OSBPL9: variants seen among roughly 807,000 people sequenced by gnomAD.
The protein encoded by OSBPL9 is oxysterol binding protein like 9.
A neutral mutation model predicts 106.6 loss-of-function variants in OSBPL9; 40 were observed. That is an observed-to-expected ratio of 0.38 (90% CI 0.29 to 0.49). The LOEUF (loss-of-function observed/expected upper bound fraction) is 0.49. Among genes scored for constraint, OSBPL9 ranks in the 20% least tolerant of loss-of-function variants. OSBPL9 has a pLI of 0.97. For missense variants in OSBPL9, 609 were observed against 887.2 expected (o/e 0.69, Z 3.98); for synonymous variants, 269 against 295.4 (o/e 0.91, Z 0.92).
At chr1:51,760,193 C>CT (rs2149062375) in intron 9 of OSBPL9, 1 of 154,036 alleles carries the variant, frequency 6.5e-6, no homozygotes, top group African/African-American at 2.4e-5. Context: ...TTTTGGCATC[C>CT]TCGGGGGGTG....
chr1:51,650,331 G>C (rs1646435642), intron 1 of OSBPL9, among the ~76,000 whole-genome samples: 1 of 152,038 alleles, frequency 6.6e-6, no homozygotes, highest in Admixed American at 6.5e-5. Flanking sequence ...CCTTGTTTGG[G>C]TTAATTTTGC....
chr1:51,774,793 T>C (rs1674677478), intron 14 of OSBPL9, among the ~76,000 whole-genome samples: 1 of 152,210 alleles, frequency 6.6e-6, no homozygotes, highest in Non-Finnish European at 1.5e-5. Context: ...TAATAGCATG[T>C]ATCAGTATAG....
chr1:51,691,850 C>T (rs1379313039), intron 3 of OSBPL9, among the ~76,000 whole-genome samples: 1 of 151,958 alleles, frequency 6.6e-6, no homozygotes, highest in Non-Finnish European at 1.5e-5. Flanking sequence ...TGTCTTCTGC[C>T]TCCACATCTT....
chr1:51,604,134 G>A (rs1019877572), intron 2 of OSBPL9, among the ~76,000 whole-genome samples: 1 of 152,214 alleles, frequency 6.6e-6, no homozygotes, highest in Non-Finnish European at 1.5e-5. Flanking sequence ...AGCTGCGTGT[G>A]TTCCCTATAA....
At chr1:51,596,998 AG>A (rs1422264886) in intron 1 of OSBPL9, among the ~76,000 whole-genome samples, 4 of 152,128 alleles carry the variant, frequency 2.6e-5, no homozygotes, top group Non-Finnish European at 5.9e-5. Context: ...GGGAGAGGAA[AG>A]GGGGTCAGGG....
At chr1:51,609,914 A>C (rs1399086078) in intron 2 of OSBPL9, among the ~76,000 whole-genome samples, 1 of 151,048 alleles carries the variant, frequency 6.6e-6, no homozygotes, top group African/African-American at 2.4e-5. Flanking sequence ...CGCCCGGCTA[A>C]TTTTTTGTGT....
the OSBPL9 span, among the ~76,000 whole-genome samples, chr1:51,521,254 A>G: frequency 2.4e-4 from 36 of 152,348 alleles, no homozygotes; most frequent in Admixed American, 3.9e-4. Context: ...ATGAGATGAC[A>G]TATACAAAAG....
chr1:51,743,724 A>C (rs537544233), intron 4 of OSBPL9, among the ~76,000 whole-genome samples: 2 of 152,296 alleles, frequency 1.3e-5, no homozygotes, highest in East Asian at 3.9e-4. Flanking sequence ...AAAACCAAAA[A>C]ACAAGCCAAA....
intron 2 of OSBPL9, among the ~76,000 whole-genome samples, chr1:51,610,397 A>C (rs1643979531): frequency 6.6e-6 from 1 of 152,044 alleles, no homozygotes; most frequent in Admixed American, 6.6e-5. Context: ...AGTAGCTGGG[A>C]TTATAGGCGT....
chr1:51,543,283 C>T, the OSBPL9 span, among the ~76,000 whole-genome samples: 2 of 152,348 alleles, frequency 1.3e-5, no homozygotes, highest in African/African-American at 4.8e-5. Flanking sequence ...AACTTGAGAT[C>T]TTCTCCTAGG....
chr1:51,588,090 G>GA (rs925027798), intron 1 of OSBPL9, among the ~76,000 whole-genome samples: 19 of 152,090 alleles, frequency 1.2e-4, no homozygotes, highest in Non-Finnish European at 2.9e-5. Context: ...TATGTATACA[G>GA]AAAAAAATTC....
chr1:51,532,455 T>G, the OSBPL9 span, among the ~76,000 whole-genome samples: 2 of 152,150 alleles, frequency 1.3e-5, no homozygotes, highest in Non-Finnish European at 2.9e-5. Context: ...ATGGGTTATC[T>G]GCTGAGAGGG....
intron 2 of OSBPL9, among the ~76,000 whole-genome samples, chr1:51,608,677 T>TGGG (rs72228350): frequency 2.1e-5 from 3 of 140,598 alleles, no homozygotes; most frequent in African/African-American, 7.8e-5. Flanking sequence ...ATTCCTGGAT[T>TGGG]GGGGGGGGGG....
At chr1:51,669,701 A>T (rs1649408931) in intron 3 of OSBPL9, 189 bp downstream of exon 3, 6 of 611,394 alleles carry the variant, frequency 9.8e-6, no homozygotes, top group African/African-American at 1.8e-5. Context: ...ATGTAGATCG[A>T]TTTGAAACGA....
At chr1:51,614,173 G>T (rs1644008555), upstream of OSBPL9, 1 of 152,192 alleles carries the variant, frequency 6.6e-6, no homozygotes, top group African/African-American at 2.4e-5. Flanking sequence ...CCAAGGAAAA[G>T]AAAGGAAAAG....
chr1:51,736,375 G>C (rs1445712514), intron 4 of OSBPL9, among the ~76,000 whole-genome samples: 3 of 152,130 alleles, frequency 2.0e-5, no homozygotes, highest in East Asian at 1.9e-4. Flanking sequence ...AACAATTGTT[G>C]AGTCTATTCA....
chr1:51,575,176 C>T (rs1645175874), upstream of OSBPL9, among the ~76,000 whole-genome samples: 1 of 152,034 alleles, frequency 6.6e-6, no homozygotes, highest in African/African-American at 2.4e-5. Context: ...TCTCTACTCC[C>T]ACTCCCCAAT....
At position 51,783,915 on chromosome 1, in the gene OSBPL9, T is replaced by C; in HGVS notation, c.1514T>C (p.Ile505Thr). The change falls in exon 18 of 24, where the codon ATT (isoleucine) becomes ACT (threonine). Residue 505 changes from isoleucine (I) to threonine (T), a missense_variant and splice_region_variant. Physicochemically the swap from Ile to Thr is moderately conservative, Grantham distance 89. Transcript: ENST00000428468. ...VAEQVSHHPP[I>T]SAFYAECFNK... ...CTACTAATTGAAAATTTCTATTCAGTTTCAGCCTTTTATGCTGAGTGTTTT... is the reference window on the plus strand; with the variant it reads ...CTACTAATTGAAAATTTCTATTCAGCTTCAGCCTTTTATGCTGAGTGTTTT... The C allele has an allele frequency of 1.2e-6, 2 of 1,606,108 alleles. No homozygotes were observed. Among genetic ancestry groups the C allele is most frequent in the Non-Finnish European group, 1.7e-6 (2 of 1,172,716 alleles).
chr1:51,745,379 A>G (rs1667766891), intron 4 of OSBPL9, 157 bp from the exon 5 acceptor site: 1 of 1,075,188 alleles, frequency 9.3e-7, no homozygotes, highest in African/African-American at 1.6e-5. Context: ...ACCACTGTTT[A>G]AATAGACCTA....
Sources: gnomAD v4.1 joint callset for allele counts (sites outside exome capture counted in the v4.1 genomes callset) on GRCh38, gnomAD v4.1.1 for gene constraint, MANE v1.5 for transcripts, NCBI Gene and HGNC (gene_info 2026-07-23, HGNC 2026-07-21) for gene names.